Variants in CPVL observed in about 807,000 individuals in gnomAD.
CPVL encodes the protein probable serine carboxypeptidase CPVL.
Under a neutral mutation model 63.7 loss-of-function variants are expected in CPVL, and 51 were observed. That is an observed-to-expected ratio of 0.80 (90% CI 0.64 to 1.01). The LOEUF (loss-of-function observed/expected upper bound fraction) is 1.01. Among genes scored for constraint, CPVL ranks in the 50% least tolerant of loss-of-function variants. The probability of loss-of-function intolerance (pLI) is 0.00; values close to 1 mark genes in which losing one functional copy is unlikely to be tolerated. For missense variants in CPVL, 530 were observed against 573.1 expected (o/e 0.92, Z 0.77); for synonymous variants, 195 against 206.0 (o/e 0.95, Z 0.46).
chr7:29,103,111 G>A (rs1787330675), intron 3 of CPVL, among the ~76,000 whole-genome samples: 1 of 125,382 alleles, frequency 8.0e-6, no homozygotes, highest in Non-Finnish European at 1.6e-5. Flanking sequence ...GCATCAGAGA[G>A]AAAGAGAGAA....
At chr7:29,129,671 G>A (rs972448251) in intron 1 of CPVL, among the ~76,000 whole-genome samples, 1 of 152,016 alleles carries the variant, frequency 6.6e-6, no homozygotes, top group African/African-American at 2.4e-5. Context: ...GTTTCACCAT[G>A]TTGGCCAGGA....
At chr7:29,068,756 G>A (rs1374220258) in intron 9 of CPVL, among the ~76,000 whole-genome samples, 8 of 148,248 alleles carry the variant, frequency 5.4e-5, no homozygotes, top group East Asian at 2.0e-4. Context: ...GTGCAGTGGC[G>A]CGATCTTGGC....
At chr7:28,994,833 A>G (rs1241567716), downstream of CPVL, among the ~76,000 whole-genome samples, 1 of 152,226 alleles carries the variant, frequency 6.6e-6, no homozygotes, top group Non-Finnish European at 1.5e-5. Flanking sequence ...TAGATGGGTA[A>G]TATGAGAAGG....
intron 1 of CPVL, among the ~76,000 whole-genome samples, chr7:29,139,926 T>G (rs756377943): frequency 1.6e-4 from 25 of 152,234 alleles, no homozygotes; most frequent in Non-Finnish European, 3.5e-4. Flanking sequence ...ACTTTTCATC[T>G]TCAGAATTAG....
upstream of CPVL, among the ~76,000 whole-genome samples, chr7:29,149,103 G>A (rs1484651793): frequency 6.6e-6 from 1 of 151,678 alleles, no homozygotes; most frequent in Non-Finnish European, 1.5e-5. Context: ...TAGAAAATTA[G>A]ACTGGAGCCA....
chr7:29,133,786 A>T (rs1359788399), intron 1 of CPVL, among the ~76,000 whole-genome samples: 1 of 152,252 alleles, frequency 6.6e-6, no homozygotes, highest in African/African-American at 2.4e-5. Flanking sequence ...TTTTGTTGTT[A>T]GATGGAAAGT....
At chr7:29,125,479 G>A (rs1242953026) in intron 1 of CPVL, among the ~76,000 whole-genome samples, 8 of 133,352 alleles carry the variant, frequency 6.0e-5, no homozygotes, top group Non-Finnish European at 9.2e-5. Context: ...TACAACCTCC[G>A]CCTCCTCGGT....
At chr7:29,183,869 G>A (rs1393329738) in intron 4 of CPVL, among the ~76,000 whole-genome samples, 1 of 151,738 alleles carries the variant, frequency 6.6e-6, no homozygotes, top group African/African-American at 2.4e-5. Context: ...AAAAATGTTA[G>A]AAAAAACAAT....
upstream of CPVL, among the ~76,000 whole-genome samples, chr7:29,149,094 A>G (rs1417450803): frequency 2.6e-5 from 4 of 151,938 alleles, no homozygotes; most frequent in African/African-American, 9.7e-5. Flanking sequence ...TACTGAGGTT[A>G]GAAAATTAGA....
intron 1 of CPVL, among the ~76,000 whole-genome samples, chr7:29,128,714 C>CAAAA (rs60764606): frequency 1.7e-3 from 221 of 133,374 alleles, no homozygotes; most frequent in African/African-American, 5.3e-3. Context: ...GACTCTGTCT[C>CAAAA]AAAAAAAAAA....
intron 12 of CPVL, among the ~76,000 whole-genome samples, chr7:29,016,621 G>A (rs142334014): frequency 3.5e-4 from 54 of 152,216 alleles, no homozygotes; most frequent in African/African-American, 1.0e-3. Context: ...GGCAGACCAC[G>A]GGCCTGAGGG....
rs760625901 is a variant in CPVL, at chr7:29,064,177, C to T, written c.1021G>A (p.Ala341Thr). Residue 341 changes from alanine (A) to threonine (T), a missense_variant, in exon 11 of 13, where the codon GCC becomes ACC. Transcript: ENST00000265394. ...KFLSLPEVRQAIHVGNQTFND... is the reference protein window; with the variant it reads ...KFLSLPEVRQTIHVGNQTFND... ...AAAGTCTGATTCCCCACGTGGATGG[C>T]TTGTCTCACCTCTGGGAGTGACAAA... 6.2e-7 allele frequency: 1 copy of T among 1,613,346 alleles called. No individual in the cohort carries two copies. Among genetic ancestry groups the T allele is most frequent in the Non-Finnish European group, 8.5e-7 (1 of 1,179,324 alleles).
intron 7 of CPVL, among the ~76,000 whole-genome samples, chr7:29,081,890 C>T (rs1784754964): frequency 6.6e-6 from 1 of 152,212 alleles, no homozygotes; most frequent in African/African-American, 2.4e-5. Context: ...TTCCAGACTG[C>T]TTCACACCAA....
intron 11 of CPVL, among the ~76,000 whole-genome samples, chr7:29,047,717 C>A (rs1413962053): frequency 6.6e-6 from 1 of 152,140 alleles, no homozygotes; most frequent in African/African-American, 2.4e-5. Context: ...ACAAAAAGAT[C>A]ATCACCTAGT....
In CPVL at chr7:29,185,854, T is replaced by G. The variant is rs180688577; in HGVS notation, c.-346-257A>C. Among the ~76,000 whole-genome samples, 37 of 152,270 alleles carry G rather than the reference T, an allele frequency of 2.4e-4. No individual in the cohort carries two copies. The East Asian group carries it at 7.0e-3, about 29-fold the overall frequency. ...AATCTGCATTTTAGCAAGACCAATA[T>G]GTAGATATATTAAAGGTTGCACAGC... On this transcript the variant is annotated intron_variant, in intron 2 of 16. Transcript: ENST00000409850.
intron 5 of CPVL, among the ~76,000 whole-genome samples, chr7:29,178,607 A>T (rs532133770): frequency 6.6e-5 from 10 of 151,994 alleles, no homozygotes; most frequent in Middle Eastern, 3.4e-3. Context: ...TTATCTTTTT[A>T]AAAAAAGCAG....
chr7:29,187,553 G>A (rs1020760081), intron 1 of CPVL, among the ~76,000 whole-genome samples: 16 of 151,904 alleles, frequency 1.1e-4, no homozygotes, highest in African/African-American at 3.9e-4. Flanking sequence ...GAGAAACCCC[G>A]TCTCTACTAA....
At chr7:29,107,992 T>C (rs923570305) in intron 3 of CPVL, among the ~76,000 whole-genome samples, 1 of 152,222 alleles carries the variant, frequency 6.6e-6, no homozygotes, top group African/African-American at 2.4e-5. Context: ...GAGCGGTTCA[T>C]TTTCTCTCCA....
chr7:29,191,293 C>T (rs1782861172), intron 1 of CPVL, among the ~76,000 whole-genome samples: 1 of 152,152 alleles, frequency 6.6e-6, no homozygotes, highest in African/African-American at 2.4e-5. Flanking sequence ...TAAGACAGAG[C>T]ATGAGATCTG....
Sources: allele counts gnomAD v4.1 joint callset (sites outside exome capture counted in the v4.1 genomes callset), GRCh38; gene constraint gnomAD v4.1.1; transcripts MANE v1.5; gene names NCBI Gene and HGNC (gene_info 2026-07-23, HGNC 2026-07-21).